PHF19: variants seen among roughly 807,000 people sequenced by gnomAD.
PHF19 encodes polycomb like 3.
PHF19 carries 21 observed loss-of-function variants against 79.8 expected under a neutral mutation model. The ratio of observed to expected loss-of-function variants is 0.26; its 90% CI spans 0.19 to 0.38. The LOEUF (loss-of-function observed/expected upper bound fraction) is 0.38, where lower values mean the gene tolerates loss of function less well. Among genes scored for constraint, PHF19 ranks in the 10% least tolerant of loss-of-function variants. The probability of loss-of-function intolerance (pLI) is 1.00; values close to 1 mark genes in which losing one functional copy is unlikely to be tolerated. For synonymous variants in PHF19, 273 were observed against 296.3 expected (o/e 0.92, Z 0.81); for missense variants, 445 against 744.2 (o/e 0.60, Z 4.68).
At chr9:120,898,124 T>C (rs2046416777), upstream of PHF19, among the ~76,000 whole-genome samples, 1 of 152,132 alleles carries the variant, frequency 6.6e-6, no homozygotes, top group East Asian at 1.9e-4. Flanking sequence ...CTCTCTAAGA[T>C]TGTTTGTTTT....
chr9:120,895,615 A>G (rs2046394906), upstream of PHF19, among the ~76,000 whole-genome samples: 1 of 152,176 alleles, frequency 6.6e-6, no homozygotes, highest in Non-Finnish European at 1.5e-5. Context: ...TGATTGCCTT[A>G]AAGAGAAGCC....
At chr9:120,864,748 A>T (rs2045646014) in intron 9 of PHF19, among the ~76,000 whole-genome samples, 1 of 149,444 alleles carries the variant, frequency 6.7e-6, no homozygotes, top group Non-Finnish European at 1.5e-5. Flanking sequence ...AATGTATACT[A>T]AAAAAAAGAT....
rs150031973 is a variant in PHF19, at chr9:120,858,192, G to A, written c.1495C>T (p.Pro499Ser). The change falls in exon 15 of 15, where the codon CCC becomes TCC. Residue 499 changes from proline to serine, a missense_variant. Around this residue, in one of 5 missense-constraint regions of PHF19, gnomAD observed 125 missense variants for 180.5 expected, o/e 0.69. Transcript: ENST00000373896. Reference sequence around the variant, plus strand: ...GCCCCCTCTGCACTGCTGTCCGAGGGGCAGCGTCCATCCAGCTCAGCTGCC... The same window carrying A: ...GCCCCCTCTGCACTGCTGTCCGAGGAGCAGCGTCCATCCAGCTCAGCTGCC... ...RWAAELDGRC[P>S]SDSSAEGASV... 3.8e-4 allele frequency: 609 copies of A among 1,599,416 alleles called. 1 individual carries two copies. In the African/African-American group the frequency reaches 7.1e-3, roughly 19 times the overall value.
chr9:120,867,290 A>G (rs956170770), intron 6 of PHF19, among the ~76,000 whole-genome samples: 1 of 152,238 alleles, frequency 6.6e-6, no homozygotes, highest in African/African-American at 2.4e-5. Flanking sequence ...TCTCCTTGCC[A>G]TGCCACAATG....
intron 1 of PHF19, among the ~76,000 whole-genome samples, chr9:120,884,555 A>C (rs955484495): frequency 7.9e-5 from 12 of 152,200 alleles, no homozygotes; most frequent in Non-Finnish European, 1.8e-4. Flanking sequence ...GGTCATTTGT[A>C]TGATTCAACT....
Position 120,859,231 on chromosome 9 carries a change from CT to C in PHF19, c.1400+858del, listed in dbSNP as rs59695692. Among the ~76,000 whole-genome samples, 162 of 104,994 alleles carry C rather than the reference CT, an allele frequency of 1.5e-3. 1 individual carries two copies. The highest frequency in any genetic ancestry group is 6.9e-3 in the East Asian group (24 of 3,466). The allele number at this position is 104,994 out of a possible 152,430, so 68.9% of individuals were successfully genotyped here. A position where few individuals can be genotyped will look rare whatever the true frequency, so the allele number is the denominator to read the frequency against. ...CCTCTACAGGCATTATACCATTGTC[CT>C]TTTTTTTTTTTTTTTTTTTTGAGAT... On this transcript the variant is annotated intron_variant, in intron 14 of 14. Transcript: ENST00000373896.
chr9:120,900,421 T>C, the PHF19 span, among the ~76,000 whole-genome samples: 1 of 152,342 alleles, frequency 6.6e-6, no homozygotes, highest in African/African-American at 2.4e-5. Context: ...TTTTTAAAAG[T>C]CAATCTACAT....
rs922586665 is a variant in PHF19, at chr9:120,863,992, G to C, written c.968+57C>G. On this transcript the variant is annotated intron_variant, in intron 10 of 14. Transcript: ENST00000373896. ...TAGCCTGAGCAAAGGCTATGAGGTA[G>C]GAAGGAATCTCACCTGTAGAGGGCC... 1.6e-4 allele frequency: 225 copies of C among 1,370,550 alleles called. 1 individual carries two copies. The highest frequency in any genetic ancestry group is 1.6e-4 in the Non-Finnish European group (155 of 970,664). 84.9% of individuals were successfully genotyped at this position (1,370,550 alleles called of 1,614,324 possible).
At chr9:120,888,374 TGA>T (rs1416959527) in intron 1 of PHF19, among the ~76,000 whole-genome samples, 1 of 152,168 alleles carries the variant, frequency 6.6e-6, no homozygotes, top group Admixed American at 6.5e-5. Flanking sequence ...CTCGAAGAGC[TGA>T]GAGGTGTGGA....
rs1052854593 is a variant in PHF19 at position 120,855,664 on chromosome 9, G to A, written c.*2280C>T. The A allele has an allele frequency of 6.6e-6, 1 of 152,578 alleles. No individual in the cohort carries two copies. Among genetic ancestry groups the A allele is most frequent in the African/African-American group, 2.4e-5 (1 of 41,432 alleles). The allele number at this position is 152,578 out of a possible 1,614,324, so 9.5% of individuals were successfully genotyped here. ...AGGGAAGACAAGTGATTGTTCAAAG[G>A]GAGGTTTTAAATCATAAATCAGACA... is the stretch of plus-strand genomic sequence containing the variant. On this transcript the variant is annotated 3_prime_UTR_variant, in exon 15 of 15. Transcript: ENST00000373896.
chr9:120,901,227 C>T, the PHF19 span, among the ~76,000 whole-genome samples: 2 of 151,912 alleles, frequency 1.3e-5, no homozygotes, highest in South Asian at 4.2e-4. Context: ...GAGTCTCGCT[C>T]TGTCTCCCAG....
rs1588093601 is a variant in PHF19 at position 120,862,508 on chromosome 9, T to C, written c.1130+80A>G. The C allele has an allele frequency of 7.8e-7, 1 of 1,281,508 alleles. No homozygotes were observed. Among genetic ancestry groups the C allele is most frequent in the Admixed American group, 1.8e-5 (1 of 57,134 alleles). 79.4% of individuals were successfully genotyped at this position (1,281,508 alleles called of 1,614,324 possible). A position where few individuals can be genotyped will look rare whatever the true frequency, so the allele number is the denominator to read the frequency against. On this transcript the variant is annotated intron_variant, in intron 11 of 14. Transcript: ENST00000373896. The surrounding 1 kb of genome is among the most constrained non-coding windows in gnomAD (Gnocchi z 4.6). ...GGTCCTACAGCTGGGACTGGCTGGG[T>C]GCAGGTCCTCCTTGCTTGCTTGGAA...
At chr9:120,881,516 G>A (rs1033974820), upstream of PHF19, among the ~76,000 whole-genome samples, 1 of 152,132 alleles carries the variant, frequency 6.6e-6, no homozygotes, top group African/African-American at 2.4e-5. Context: ...AGGCAAGTAT[G>A]ACCAAGTGTC....
At chr9:120,890,393 C>G (rs2046326708) in intron 1 of PHF19, among the ~76,000 whole-genome samples, 1 of 150,694 alleles carries the variant, frequency 6.6e-6, no homozygotes, top group Non-Finnish European at 1.5e-5. Context: ...TGGCTTTGGG[C>G]AGCCCATAAA....
At chr9:120,894,423 C>T (rs2046378969) in intron 1 of PHF19, among the ~76,000 whole-genome samples, 1 of 152,248 alleles carries the variant, frequency 6.6e-6, no homozygotes, top group South Asian at 2.1e-4. Context: ...GTTTCCATTA[C>T]TTTTCTGTAA....
Position 120,866,764 on chromosome 9 carries a change from C to T in PHF19, c.710+106G>A. ...ACAGGTAGGCATACATTGTCACAGA[C>T]CTCCTCTTGTCTGGAGCCTGGCAGT... On this transcript the variant is annotated intron_variant, in intron 7 of 14. Coordinates refer to ENST00000373896, the MANE Select transcript of PHF19 (RefSeq NM_015651.3). This position sits in a 1 kb window ranked among gnomAD's most constrained non-coding sequence, Gnocchi z 5.2. 1.4e-6 allele frequency: 1 copy of T among 706,730 alleles called. No homozygotes were observed. Among genetic ancestry groups the T allele is most frequent in the Middle Eastern group, 2.9e-4 (1 of 3,490 alleles). The allele number at this position is 706,730 out of a possible 1,614,324, so 43.8% of individuals were successfully genotyped here.
At chr9:120,873,525 T>C (rs755108506) in intron 3 of PHF19, among the ~76,000 whole-genome samples, 1 of 152,260 alleles carries the variant, frequency 6.6e-6, no homozygotes, top group Non-Finnish European at 1.5e-5. Flanking sequence ...CCTTGCCCCG[T>C]GGAGAAGGCT....
intron 14 of PHF19, among the ~76,000 whole-genome samples, chr9:120,858,678 T>C (rs937594409): frequency 9.2e-5 from 14 of 152,142 alleles, no homozygotes; most frequent in South Asian, 4.1e-4. Flanking sequence ...CCTGAGGCCA[T>C]GCAGTGCAGA....
chr9:120,881,152 T>TGTG (rs2046176541), upstream of PHF19, among the ~76,000 whole-genome samples: 1 of 147,952 alleles, frequency 6.8e-6, no homozygotes, highest in Non-Finnish European at 1.5e-5. Flanking sequence ...GGGGTTTGTT[T>TGTG]TTTTTTTTTT....
Sources: gnomAD v4.1 joint callset for allele counts (sites outside exome capture counted in the v4.1 genomes callset) on GRCh38, gnomAD v4.1.1 for gene constraint, gnomAD v4.1.1 regional missense constraint, Gnocchi (gnomAD v3.1) non-coding constraint, MANE v1.5 for transcripts, NCBI Gene and HGNC (gene_info 2026-07-23, HGNC 2026-07-21) for gene names.